The following KIRREL3 variants were observed in gnomAD, a reference collection of about 807,000 sequenced individuals.
KIRREL3 encodes kirre like nephrin family adhesion molecule 3, also known as kin of IRRE-like protein 3.
A neutral mutation model predicts 89.7 loss-of-function variants in KIRREL3; 36 were observed. The observed-to-expected ratio is 0.40, with a 90% CI of 0.31 to 0.53. The LOEUF is 0.53. KIRREL3 is among the 20% of genes least tolerant of loss of function. KIRREL3 has a pLI of 0.49. For synonymous variants in KIRREL3, 445 were observed against 441.4 expected, an observed-to-expected ratio of 1.01 and a Z score of -0.10; for missense variants, 864 against 1,056.6, an observed-to-expected ratio of 0.82 and a Z score of 2.53.
intron 1 of KIRREL3, among the ~76,000 whole-genome samples, chr11:126,921,824 C>T (rs7395944): frequency 1 from 149,087 of 149,148 alleles, 74,514 homozygotes; most frequent in Middle Eastern, 1. Flanking sequence ...TATCTTCCTG[C>T]CTTCCTATCT....
At chr11:126,648,151 A>G (rs1343480397) in intron 1 of KIRREL3, among the ~76,000 whole-genome samples, 3 of 152,084 alleles carry the variant, frequency 2.0e-5, no homozygotes, top group Non-Finnish European at 2.9e-5. Flanking sequence ...GCCATCTAAT[A>G]TGGGCCTACT....
intron 1 of KIRREL3, among the ~76,000 whole-genome samples, chr11:126,848,122 C>G (rs972090414): frequency 6.6e-6 from 1 of 152,138 alleles, no homozygotes; most frequent in African/African-American, 2.4e-5. Context: ...ATCTTGGGAC[C>G]TCAACAGGAG....
intron 1 of KIRREL3, among the ~76,000 whole-genome samples, chr11:126,893,837 T>A (rs1946026606): frequency 6.6e-6 from 1 of 152,256 alleles, no homozygotes; most frequent in Non-Finnish European, 1.5e-5. Flanking sequence ...ATTCTGGGCA[T>A]GCTTACTGGA....
intron 1 of KIRREL3, chr11:126,920,396 A>C (rs929007218): frequency 2.0e-4 from 31 of 152,220 alleles, no homozygotes; most frequent in African/African-American, 7.2e-4. Flanking sequence ...GTGGAGTTAA[A>C]TCTCCCTCAA....
Position 126,521,885 on chromosome 11 carries a change from C to T in KIRREL3, c.284-421G>A, listed in dbSNP as rs1304881609. 2.0e-5 allele frequency among the ~76,000 whole-genome samples: 3 copies of T among 152,108 alleles called. No individual in the cohort carries two copies. Among genetic ancestry groups the T allele is most frequent in the Admixed American group, 2.0e-4 (3 of 15,268 alleles). ...TCAGCCTCCCAAGTAGCTGGGACTA[C>T]AGACATGCACCACCACGTCGGCTAA... On this transcript the variant is annotated intron_variant, in intron 3 of 16. Coordinates refer to ENST00000525144, the MANE Select transcript of KIRREL3 (RefSeq NM_032531.4). The surrounding 1 kb of genome is among the most constrained non-coding windows in gnomAD (Gnocchi z 4.1).
intron 1 of KIRREL3, among the ~76,000 whole-genome samples, chr11:126,777,727 A>G (rs1386248156): frequency 6.6e-6 from 1 of 152,234 alleles, no homozygotes; most frequent in Non-Finnish European, 1.5e-5. Context: ...TACCATCTGC[A>G]TCTTTGAAGA....
intron 1 of KIRREL3, among the ~76,000 whole-genome samples, chr11:126,583,201 A>G (rs1300406866): frequency 6.6e-6 from 1 of 152,180 alleles, no homozygotes; most frequent in African/African-American, 2.4e-5. Flanking sequence ...TGCTATCCTC[A>G]GCTCACTGTG....
chr11:126,716,319 G>A (rs1434945026), intron 1 of KIRREL3, among the ~76,000 whole-genome samples: 3 of 152,166 alleles, frequency 2.0e-5, no homozygotes, highest in African/African-American at 4.8e-5. Flanking sequence ...CACGCATTGA[G>A]CTAGGTGTCA....
intron 1 of KIRREL3, among the ~76,000 whole-genome samples, chr11:126,733,440 G>T (rs1343413901): frequency 6.6e-6 from 1 of 152,188 alleles, no homozygotes; most frequent in Non-Finnish European, 1.5e-5. Flanking sequence ...GCGCTGGGGA[G>T]ATGAAACCAG....
chr11:126,888,695 G>A (rs1020238520), intron 1 of KIRREL3, among the ~76,000 whole-genome samples: 11 of 152,078 alleles, frequency 7.2e-5, no homozygotes, highest in African/African-American at 1.4e-4. Context: ...AGGTGACGCC[G>A]CTCGAGGTTT....
rs1160549122 is a variant in KIRREL3, at chr11:126,550,965, T to C, written c.133+11870A>G. Among the ~76,000 whole-genome samples, 1 of 152,198 alleles carries C rather than the reference T, an allele frequency of 6.6e-6. No individual in the cohort carries two copies. The highest frequency in any genetic ancestry group is 1.5e-5 in the Non-Finnish European group (1 of 68,018). ...CTGGCACCTGTCACAAGTTCAGGCT[T>C]CCAGAACTTCTGGCAGACCCGCTGC... On this transcript the variant is annotated intron_variant, in intron 2 of 16. Coordinates refer to ENST00000525144, the MANE Select transcript of KIRREL3 (RefSeq NM_032531.4). The surrounding 1 kb of genome is among the most constrained non-coding windows in gnomAD (Gnocchi z 4.9).
chr11:126,994,060 A>T lies in KIRREL3; in HGVS notation c.55+6395T>A, dbSNP rs1950112218. On this transcript the variant is annotated intron_variant, in intron 1 of 16. Transcript: ENST00000525144. This position sits in a 1 kb window ranked among gnomAD's most constrained non-coding sequence, Gnocchi z 5.2. ...GTTTTAGTTTCAATTATCAAAAAAAAAAAATCAGCCTCAGATAAATCTACT... is the reference window on the plus strand; with the variant it reads ...GTTTTAGTTTCAATTATCAAAAAAATAAAATCAGCCTCAGATAAATCTACT... 6.6e-6 allele frequency among the ~76,000 whole-genome samples: 1 copy of T among 152,186 alleles called. No individual in the cohort carries two copies. Among genetic ancestry groups the T allele is most frequent in the Non-Finnish European group, 1.5e-5 (1 of 68,028 alleles).
At chr11:126,851,566 CAG>C (rs1257425145) in intron 1 of KIRREL3, among the ~76,000 whole-genome samples, 2 of 152,196 alleles carry the variant, frequency 1.3e-5, no homozygotes, top group Non-Finnish European at 2.9e-5. Context: ...GTGTTTCAGA[CAG>C]AGAGAACATC....
rs992059866 is a variant in KIRREL3 at position 126,459,224 on chromosome 11, C to T, written c.743-2770G>A. Among the ~76,000 whole-genome samples, 4 of 152,114 alleles carry T rather than the reference C, an allele frequency of 2.6e-5. No individual in the cohort carries two copies. The highest frequency in any genetic ancestry group is 9.7e-5 in the African/African-American group (4 of 41,406). ...GAACTTGGGGGGCTGTTCCAGGAGG[C>T]CCTTCCCTCACCTGGGGGTCTTTTC... On this transcript the variant is annotated intron_variant, in intron 6 of 16. Transcript: ENST00000525144. The surrounding 1 kb of genome is among the most constrained non-coding windows in gnomAD (Gnocchi z 4.8).
Position 126,747,440 on chromosome 11 carries a change from C to A in KIRREL3, c.56-184528G>T, listed in dbSNP as rs148817894. On this transcript the variant is annotated intron_variant, in intron 1 of 16. Coordinates refer to ENST00000525144, the MANE Select transcript of KIRREL3 (RefSeq NM_032531.4). The surrounding 1 kb of genome is among the most constrained non-coding windows in gnomAD (Gnocchi z 4.7). ...CAGTTATCCCAGACCATTTACCATTCTCTGATTAAGTCATGCAACCTCATC... is the reference window on the plus strand; with the variant it reads ...CAGTTATCCCAGACCATTTACCATTATCTGATTAAGTCATGCAACCTCATC... 2.0e-5 allele frequency among the ~76,000 whole-genome samples: 3 copies of A among 152,312 alleles called. No individual in the cohort carries two copies. The East Asian group carries it at 5.8e-4, about 29-fold the overall frequency.
At position 126,682,699 on chromosome 11, in the gene KIRREL3, A is replaced by C. The variant is rs1273479162; in HGVS notation, c.56-119787T>G. On this transcript the variant is annotated intron_variant, in intron 1 of 16. Transcript: ENST00000525144. This position sits in a 1 kb window ranked among gnomAD's most constrained non-coding sequence, Gnocchi z 4.8. ...TCATAAGAGACACAGCACACAGCCT[A>C]GATCCATCACATGCGCAGTTCACAA... is the stretch of plus-strand genomic sequence containing the variant. 6.6e-6 allele frequency among the ~76,000 whole-genome samples: 1 copy of C among 152,080 alleles called. No homozygotes were observed.
At position 126,724,834 on chromosome 11, in the gene KIRREL3, C is replaced by T. The variant is rs1948316139; in HGVS notation, c.56-161922G>A. ...TTCTTACTAATAGATTTTGAATAAC[C>T]ATAAAAACAACTTTCCTGCATTCCT... On this transcript the variant is annotated intron_variant, in intron 1 of 16. Transcript: ENST00000525144. This position sits in a 1 kb window ranked among gnomAD's most constrained non-coding sequence, Gnocchi z 4.3. Among the ~76,000 whole-genome samples, 1 of 152,162 alleles carries T rather than the reference C, an allele frequency of 6.6e-6. No homozygotes were observed. Among genetic ancestry groups the T allele is most frequent in the South Asian group, 2.1e-4 (1 of 4,828 alleles).
rs554034562 is a variant in KIRREL3 at position 126,572,610 on chromosome 11, C to T, written c.56-9698G>A. 3.3e-5 allele frequency among the ~76,000 whole-genome samples: 5 copies of T among 152,026 alleles called. No individual in the cohort carries two copies. The East Asian group carries it at 5.8e-4, about 18-fold the overall frequency. The stretch of plus-strand genomic sequence containing the variant: ...CAAGCAGGTGCTGCTGATGGAGTCA[C>T]AGGCATCACTGTCAGGTGGTCAGGA... On this transcript the variant is annotated intron_variant, in intron 1 of 16. Transcript: ENST00000525144.
Position 126,519,294 on chromosome 11 carries a change from C to A in KIRREL3, c.433+2021G>T, listed in dbSNP as rs1958515705. Among the ~76,000 whole-genome samples the A allele has an allele frequency of 6.6e-6, 1 of 152,184 alleles. No homozygotes were observed. The highest frequency in any genetic ancestry group is 2.1e-4 in the South Asian group (1 of 4,836). On this transcript the variant is annotated intron_variant, in intron 4 of 16. Coordinates refer to ENST00000525144, the MANE Select transcript of KIRREL3 (RefSeq NM_032531.4). The surrounding 1 kb of genome is among the most constrained non-coding windows in gnomAD (Gnocchi z 4.3). ...CCTCACCAGCCAGACAGATGAGATG[C>A]TGCTGGCATCTGGGAACAGGAGACT...
Sources: gnomAD v4.1 joint callset for allele counts (sites outside exome capture counted in the v4.1 genomes callset) on GRCh38, gnomAD v4.1.1 for gene constraint, Gnocchi (gnomAD v3.1) non-coding constraint, MANE v1.5 for transcripts, NCBI Gene and HGNC (gene_info 2026-07-23, HGNC 2026-07-21) for gene names.